Variants in LAMA4 observed in about 807,000 individuals in gnomAD.
The protein encoded by LAMA4 is laminin subunit alpha 4.
In LAMA4, 127 loss-of-function variants were observed where a neutral mutation model predicts 207.1. The observed-to-expected ratio is 0.61, with a 90% CI of 0.53 to 0.71. The LOEUF (loss-of-function observed/expected upper bound fraction) is 0.71, where lower values mean the gene tolerates loss of function less well. Among genes scored for constraint, LAMA4 ranks in the 30% least tolerant of loss-of-function variants. LAMA4 has a pLI of 0.00. For synonymous variants in LAMA4, 761 were observed against 816.0 expected (o/e 0.93, Z 1.15); for missense variants, 2,093 against 2,246.5 (o/e 0.93, Z 1.38).
In LAMA4 at chr6:112,108,778, T is replaced by C. The variant is rs1554320593; in HGVS notation, c.*659A>G. Reference sequence around the variant, plus strand: ...AGCCTCCTCTCATGTACAATTTTATTTTTCTTTTAAGGAGATAAGGAAGGG... The same window carrying C: ...AGCCTCCTCTCATGTACAATTTTATCTTTCTTTTAAGGAGATAAGGAAGGG... On this transcript the variant is annotated 3_prime_UTR_variant, in exon 39 of 39. Coordinates refer to ENST00000230538, the MANE Select transcript of LAMA4 (RefSeq NM_001105206.3). 1 of 152,408 alleles carries C rather than the reference T, an allele frequency of 6.6e-6. No homozygotes were observed. The highest frequency in any genetic ancestry group is 1.9e-4 in the East Asian group (1 of 5,204). 9.4% of individuals were successfully genotyped at this position (152,408 alleles called of 1,614,324 possible).
chr6:112,118,638 T>G lies in LAMA4; in HGVS notation c.4821+518A>C, dbSNP rs1001812417. On this transcript the variant is annotated intron_variant, in intron 34 of 38. Transcript: ENST00000230538. The surrounding 1 kb of genome is among the most constrained non-coding windows in gnomAD (Gnocchi z 4.6). The stretch of plus-strand genomic sequence containing the variant: ...ATTTTTAATTTTTAAATTACACAAA[T>G]AATATTTTTCTACTATATTCTCACT... 3.9e-5 allele frequency among the ~76,000 whole-genome samples: 6 copies of G among 152,098 alleles called. No individual in the cohort carries two copies. The highest frequency in any genetic ancestry group is 1.4e-4 in the African/African-American group (6 of 41,428).
chr6:112,155,575 C>T lies in LAMA4; in HGVS notation c.1949G>A (p.Arg650Gln), dbSNP rs781940035. ...TCAGGGAATACTCACATCATAAATT[C>T]GGTCAGTGGTGTTCAAAGCAAATTC... Reference protein sequence around the residue: ...TAEFALNTTDRIYDAVSGIDT... With the variant: ...TAEFALNTTDQIYDAVSGIDT... Residue 650 changes from arginine (R) to glutamine (Q), a missense_variant, in exon 15 of 39, where the codon CGA becomes CAA. Physicochemically the swap from Arg to Gln is conservative, Grantham distance 43. Around this residue, in one of 3 missense-constraint regions of LAMA4, gnomAD observed 1,704 missense variants for 1,788.4 expected, o/e 0.95. Transcript: ENST00000230538. The T allele has an allele frequency of 7.4e-6, 12 of 1,614,016 alleles. No individual in the cohort carries two copies. The East Asian group carries it at 8.9e-5, about 12-fold the overall frequency.
At chr6:112,146,581 G>T (rs966771370) in intron 18 of LAMA4, among the ~76,000 whole-genome samples, 1 of 151,166 alleles carries the variant, frequency 6.6e-6, no homozygotes, top group Non-Finnish European at 1.5e-5. Flanking sequence ...GCTCAGAGAC[G>T]AAATACTTTT....
intron 19 of LAMA4, among the ~76,000 whole-genome samples, chr6:112,144,591 A>G (rs1452777045): frequency 1.3e-5 from 2 of 152,158 alleles, no homozygotes; most frequent in African/African-American, 4.8e-5. Context: ...ACAGAGTCTG[A>G]TCTATTGCTT....
chr6:112,198,595 A>T (rs1251284904), intron 5 of LAMA4, among the ~76,000 whole-genome samples: 1 of 152,190 alleles, frequency 6.6e-6, no homozygotes, highest in Non-Finnish European at 1.5e-5. Flanking sequence ...CAAGATGACA[A>T]AATACAACCT....
intron 13 of LAMA4, among the ~76,000 whole-genome samples, chr6:112,160,643 G>T (rs1781001050): frequency 6.6e-6 from 1 of 152,072 alleles, no homozygotes; most frequent in Admixed American, 6.6e-5. Flanking sequence ...TACAGTGTTG[G>T]CCACTGTCTT....
intron 2 of LAMA4, among the ~76,000 whole-genome samples, chr6:112,241,660 C>T (rs948036913): frequency 1.3e-5 from 2 of 152,114 alleles, no homozygotes; most frequent in Non-Finnish European, 2.9e-5. Context: ...CACATAAGTA[C>T]TTAGAACAGT....
At chr6:112,249,441 CAAAAAAAAAAA>C (rs71762704) in intron 2 of LAMA4, among the ~76,000 whole-genome samples, 12 of 52,760 alleles carry the variant, frequency 2.3e-4, no homozygotes, top group African/African-American at 4.8e-4. Flanking sequence ...GACTCTGTTT[CAAAAAAAAAAA>C]AAAAAAAAAA....
intron 28 of LAMA4, among the ~76,000 whole-genome samples, chr6:112,132,135 C>T (rs1180882850): frequency 6.6e-6 from 1 of 151,980 alleles, no homozygotes; most frequent in African/African-American, 2.4e-5. Flanking sequence ...CAGATAGCGA[C>T]CGCTTCACAA....
In LAMA4 at chr6:112,136,111, A is replaced by T. The variant is rs960173081; in HGVS notation, c.3414+12T>A. On this transcript the variant is annotated intron_variant, in intron 25 of 38. Coordinates refer to ENST00000230538, the MANE Select transcript of LAMA4 (RefSeq NM_001105206.3). ...ACAAAAACAAAACCAACCAAACTAC[A>T]ATGATTTGTACCTCATGGTATTTTG... 5.6e-6 allele frequency: 9 copies of T among 1,610,582 alleles called. No individual in the cohort carries two copies. The highest frequency in any genetic ancestry group is 1.6e-4 in the Middle Eastern group (1 of 6,076).
chr6:112,166,536 C>A (rs1781391992), intron 12 of LAMA4: 1 of 153,546 alleles, frequency 6.5e-6, no homozygotes, highest in African/African-American at 2.4e-5. Flanking sequence ...GTGTTCTTTA[C>A]CCCTTCTGTA....
chr6:112,127,159 G>A (rs1326018942), intron 31 of LAMA4, among the ~76,000 whole-genome samples: 1 of 152,014 alleles, frequency 6.6e-6, no homozygotes, highest in Non-Finnish European at 1.5e-5. Context: ...CTTATTATAT[G>A]TCAGGGAACA....
chr6:112,202,231 A>G (rs1554352789), intron 4 of LAMA4, among the ~76,000 whole-genome samples: 2 of 152,208 alleles, frequency 1.3e-5, no homozygotes, highest in South Asian at 2.1e-4. Flanking sequence ...AGGACCCACC[A>G]TAAAAGGATT....
intron 5 of LAMA4, among the ~76,000 whole-genome samples, chr6:112,196,236 T>C (rs547798225): frequency 9.9e-5 from 15 of 152,244 alleles, no homozygotes; most frequent in Admixed American, 3.3e-4. Flanking sequence ...TTAACTATAT[T>C]CACCCTAGAA....
chr6:112,243,868 G>C (rs1368061252), intron 2 of LAMA4, among the ~76,000 whole-genome samples: 2 of 152,092 alleles, frequency 1.3e-5, no homozygotes, highest in African/African-American at 4.8e-5. Flanking sequence ...GACCAGCCTG[G>C]CCAACATGGT....
chr6:112,133,303 ATAAG>A, intron 27 of LAMA4, 42 bp downstream of exon 27: 1 of 1,603,828 alleles, frequency 6.2e-7, no homozygotes, highest in Non-Finnish European at 8.5e-7. Flanking sequence ...TTTGAGAGTG[ATAAG>A]TATTGTGTCT....
chr6:112,140,901 C>T lies in LAMA4; in HGVS notation c.2835G>A (p.Val945=). 10 of 1,613,630 alleles carry T rather than the reference C, an allele frequency of 6.2e-6. No homozygotes were observed. Among genetic ancestry groups the T allele is most frequent in the South Asian group, 1.1e-5 (1 of 91,076 alleles). Residue 945 remains valine, a synonymous_variant, in exon 22 of 39, where the codon GTG becomes GTA. Coordinates refer to ENST00000230538, the MANE Select transcript of LAMA4 (RefSeq NM_001105206.3). ...KIERVGKHGK[V]FLTVPSLSST... ...TACTTAGACTCGGGACTGTTAAAAACACCTTTCCATGTTTTCCCACCCTAT... is the reference window on the plus strand; with the variant it reads ...TACTTAGACTCGGGACTGTTAAAAATACCTTTCCATGTTTTCCCACCCTAT...
intron 2 of LAMA4, among the ~76,000 whole-genome samples, chr6:112,242,148 A>C (rs782365318): frequency 1.3e-5 from 2 of 152,144 alleles, no homozygotes; most frequent in East Asian, 1.9e-4. Flanking sequence ...TGCTGAGAAG[A>C]GTTAGGTGGG....
At chr6:112,185,471 G>A in intron 8 of LAMA4, 124 bp from the exon 9 acceptor site, 2 of 689,912 alleles carry the variant, frequency 2.9e-6, no homozygotes, top group East Asian at 2.6e-5. Flanking sequence ...AAAATAGTGG[G>A]GTCCGCAGGC....
Sources: allele counts gnomAD v4.1 joint callset (sites outside exome capture counted in the v4.1 genomes callset), GRCh38; gene constraint gnomAD v4.1.1; regional missense constraint gnomAD v4.1.1; non-coding constraint Gnocchi (gnomAD v3.1); transcripts MANE v1.5; gene names NCBI Gene and HGNC (gene_info 2026-07-23, HGNC 2026-07-21).